GPHN: variants seen among roughly 807,000 people sequenced by gnomAD.
GPHN encodes gephyrin.
A neutral mutation model predicts 95.5 loss-of-function variants in GPHN; 17 were observed. The observed-to-expected ratio is 0.18, with a 90% CI of 0.12 to 0.27. GPHN has a LOEUF of 0.27. GPHN is among the 10% of genes least tolerant of loss of function. The pLI is 1.00. For missense variants in GPHN, 660 were observed against 978.1 expected (o/e 0.67, Z 4.34); for synonymous variants, 320 against 322.5 (o/e 0.99, Z 0.08).
intron 1 of GPHN, among the ~76,000 whole-genome samples, chr14:66,559,207 A>G (rs1214251066): frequency 1.3e-5 from 2 of 152,120 alleles, no homozygotes; most frequent in African/African-American, 4.8e-5. Flanking sequence ...ATATGTGTGC[A>G]TGTGTCTTTA....
the GPHN span, among the ~76,000 whole-genome samples, chr14:67,236,707 A>T: frequency 6.6e-6 from 1 of 152,226 alleles, no homozygotes; most frequent in Admixed American, 6.5e-5. Context: ...CCTATAAAAC[A>T]TCTAAATAAG....
intron 4 of GPHN, among the ~76,000 whole-genome samples, chr14:66,858,216 C>A (rs1389284400): frequency 2.0e-5 from 3 of 151,916 alleles, no homozygotes; most frequent in East Asian, 3.9e-4. Flanking sequence ...TTGCACCATC[C>A]CTTCCCCATG....
At chr14:67,542,966 C>G in the GPHN span, among the ~76,000 whole-genome samples, 1 of 152,148 alleles carries the variant, frequency 6.6e-6, no homozygotes, top group Admixed American at 6.5e-5. Flanking sequence ...TCACCTCAGC[C>G]TCTCAAAGTG....
chr14:67,038,770 T>C (rs2074555391), intron 10 of GPHN, among the ~76,000 whole-genome samples: 1 of 152,142 alleles, frequency 6.6e-6, no homozygotes, highest in Non-Finnish European at 1.5e-5. Context: ...TAGGATCCTT[T>C]CCTCCAAATT....
At chr14:67,384,356 C>T in the GPHN span, 1 of 148,948 alleles carries the variant, frequency 6.7e-6, no homozygotes, top group African/African-American at 2.5e-5. Flanking sequence ...TCTGTTTGAA[C>T]ACTTACTGTT....
At chr14:67,437,979 T>G in the GPHN span, among the ~76,000 whole-genome samples, 5 of 152,146 alleles carry the variant, frequency 3.3e-5, no homozygotes, top group African/African-American at 1.2e-4. Flanking sequence ...TTGAGCCCAC[T>G]GAGTCAAGAG....
the GPHN span, chr14:67,208,344 C>A: frequency 1.2e-6 from 2 of 1,613,898 alleles, no homozygotes; most frequent in Non-Finnish European, 1.7e-6. Context: ...ACTACCTTGA[C>A]CCCAGTAGAA....
intron 4 of GPHN, among the ~76,000 whole-genome samples, chr14:66,842,291 G>A (rs1302937641): frequency 6.6e-6 from 1 of 152,102 alleles, no homozygotes; most frequent in East Asian, 1.9e-4. Context: ...GAGGTAGGTA[G>A]TTTCTAGTAA....
At chr14:66,688,074 AAC>A (rs2067518335) in intron 2 of GPHN, among the ~76,000 whole-genome samples, 1 of 152,238 alleles carries the variant, frequency 6.6e-6, no homozygotes, top group African/African-American at 2.4e-5. Flanking sequence ...ACAGTTGACT[AAC>A]ACATATTTTA....
chr14:67,212,625 T>C, the GPHN span, among the ~76,000 whole-genome samples: 1 of 145,122 alleles, frequency 6.9e-6, no homozygotes, highest in African/African-American at 2.5e-5. Context: ...GTAATATATA[T>C]TATATATAAT....
At chr14:67,576,392 C>A in the GPHN span, 5 of 1,578,476 alleles carry the variant, frequency 3.2e-6, no homozygotes, top group South Asian at 1.1e-5. The surrounding 1 kb of genome is among the most constrained non-coding windows in gnomAD (Gnocchi z 4.0). Context: ...CGCCCTCTTC[C>A]AGGATACGTG....
chr14:67,289,197 A>C, the GPHN span, among the ~76,000 whole-genome samples: 1 of 151,796 alleles, frequency 6.6e-6, no homozygotes. Flanking sequence ...CAAACTCCTG[A>C]CTTCGTGTGA....
At chr14:66,639,615 T>G (rs1434551379) in intron 1 of GPHN, among the ~76,000 whole-genome samples, 1 of 72,902 alleles carries the variant, frequency 1.4e-5, no homozygotes, top group Non-Finnish European at 2.0e-5. Flanking sequence ...GTGATGATTA[T>G]TTTTTTTTTT....
chr14:67,563,538 A>T, the GPHN span, among the ~76,000 whole-genome samples: 2 of 151,674 alleles, frequency 1.3e-5, no homozygotes, highest in Non-Finnish European at 2.9e-5. Flanking sequence ...GGTTCAATCA[A>T]TTCTCCCGCC....
the GPHN span, among the ~76,000 whole-genome samples, chr14:67,548,217 T>C: frequency 8.1e-4 from 124 of 152,358 alleles, no homozygotes; most frequent in African/African-American, 2.8e-3. Flanking sequence ...CCTTGGACTT[T>C]TTCATTCTTG....
intron 2 of GPHN, among the ~76,000 whole-genome samples, chr14:66,730,054 C>T (rs1471953761): frequency 6.6e-6 from 1 of 152,178 alleles, no homozygotes; most frequent in Non-Finnish European, 1.5e-5. Context: ...ATGGAAACAA[C>T]AACAACTTTA....
At chr14:67,594,747 A>G in the GPHN span, among the ~76,000 whole-genome samples, 17 of 152,184 alleles carry the variant, frequency 1.1e-4, no homozygotes, top group Non-Finnish European at 2.2e-4. Flanking sequence ...ATGAAAATGC[A>G]TTTAATATTT....
At chr14:66,635,100 A>G (rs541712350) in intron 1 of GPHN, among the ~76,000 whole-genome samples, 30 of 152,226 alleles carry the variant, frequency 2.0e-4, no homozygotes, top group Admixed American at 2.6e-4. Context: ...GCTGTTGACA[A>G]TGTTCACATG....
intron 2 of GPHN, among the ~76,000 whole-genome samples, chr14:66,754,853 G>T (rs1190689904): frequency 6.6e-6 from 1 of 151,926 alleles, no homozygotes; most frequent in Non-Finnish European, 1.5e-5. Flanking sequence ...CAATTATATA[G>T]CCTAAGTTGG....
Sources: gnomAD v4.1 joint callset for allele counts (sites outside exome capture counted in the v4.1 genomes callset) on GRCh38, gnomAD v4.1.1 for gene constraint, Gnocchi (gnomAD v3.1) non-coding constraint, MANE v1.5 for transcripts, NCBI Gene and HGNC (gene_info 2026-07-23, HGNC 2026-07-21) for gene names.